Variants in VPS4A observed in about 807,000 individuals in gnomAD.
The protein encoded by VPS4A is vacuolar protein sorting-associated protein 4A.
A neutral mutation model predicts 52.3 loss-of-function variants in VPS4A; 20 were observed. That is an observed-to-expected ratio of 0.38 (90% CI 0.27 to 0.56). VPS4A has a LOEUF of 0.56. VPS4A is among the 20% of genes least tolerant of loss of function. The probability of loss-of-function intolerance (pLI) is 0.72; values close to 1 mark genes in which losing one functional copy is unlikely to be tolerated. For missense variants in VPS4A, 419 were observed against 575.9 expected (o/e 0.73, Z 2.79); for synonymous variants, 293 against 227.7 (o/e 1.29, Z -2.58).
In VPS4A at chr16:69,321,090, T is replaced by C; in HGVS notation, c.891T>C (p.Ala297=). ...KRIYIPLPEE[A]ARAQMFRLHL... ...TTTATATCCCCTTGCCGGAGGAAGCTGCCCGCGCCCAGATGTTCCGGTTGC... is the reference window on the plus strand; with the variant it reads ...TTTATATCCCCTTGCCGGAGGAAGCCGCCCGCGCCCAGATGTTCCGGTTGC... The change falls in exon 9 of 11, where the codon GCT becomes GCC. Residue 297 remains alanine (A), a synonymous_variant. Coordinates refer to ENST00000254950, the MANE Select transcript of VPS4A (RefSeq NM_013245.3). This position sits in a 1 kb window ranked among gnomAD's most constrained non-coding sequence, Gnocchi z 4.5. The C allele has an allele frequency of 3.1e-6, 5 of 1,596,448 alleles. No individual in the cohort carries two copies. The highest frequency in any genetic ancestry group is 4.3e-6 in the Non-Finnish European group (5 of 1,171,624).
Position 69,321,888 on chromosome 16 carries a change from T to G in VPS4A, c.1071+618T>G, listed in dbSNP as rs559564092. On this transcript the variant is annotated intron_variant, in intron 9 of 10. Coordinates refer to ENST00000254950, the MANE Select transcript of VPS4A (RefSeq NM_013245.3). This position sits in a 1 kb window ranked among gnomAD's most constrained non-coding sequence, Gnocchi z 4.5. ...AGGTGAAGGTGTGAGGGAATGAGCC[T>G]TGTGGACATTGGGGGAATGTTTTGC... The G allele has an allele frequency of 1.6e-3, 250 of 157,782 alleles. 1 individual carries two copies. The highest frequency in any genetic ancestry group is 2.9e-3 in the Non-Finnish European group (210 of 71,884). 9.8% of individuals were successfully genotyped at this position (157,782 alleles called of 1,614,324 possible).
Position 69,323,434 on chromosome 16 carries a change from G to A in VPS4A, c.1212+734G>A, listed in dbSNP as rs1965538012. The stretch of plus-strand genomic sequence containing the variant: ...CAAAGTGCTGGGATTACAAGCATGA[G>A]CTGAGCCACCACACCTAGCCTGCAT... On this transcript the variant is annotated intron_variant, in intron 10 of 10. Transcript: ENST00000254950. The A allele has an allele frequency of 9.4e-6, 3 of 317,950 alleles. 1 individual carries two copies. Among genetic ancestry groups the A allele is most frequent in the African/African-American group, 6.7e-5 (3 of 45,038 alleles). 19.7% of individuals were successfully genotyped at this position (317,950 alleles called of 1,614,324 possible). A position where few individuals can be genotyped will look rare whatever the true frequency, so the allele number is the denominator to read the frequency against.
At chr16:69,323,943 CCAAA>C (rs1236586189) in intron 10 of VPS4A, among the ~76,000 whole-genome samples, 13 of 108,654 alleles carry the variant, frequency 1.2e-4, no homozygotes, top group Middle Eastern at 5.4e-3. Context: ...GACTCCGTCT[CCAAA>C]AAAAAAAAAA....
At chr16:69,317,744 G>C (rs1355433797) in intron 3 of VPS4A, among the ~76,000 whole-genome samples, 1 of 151,908 alleles carries the variant, frequency 6.6e-6, no homozygotes, top group Non-Finnish European at 1.5e-5. Flanking sequence ...AGTGAGCCGA[G>C]ATCGAGCCAC....
At chr16:69,319,349 C>G in intron 5 of VPS4A, 38 bp from the exon 6 acceptor site, 1 of 1,609,496 alleles carries the variant, frequency 6.2e-7, no homozygotes, top group African/African-American at 1.3e-5. Flanking sequence ...TTCCTTTCCC[C>G]AGTCAGGAGG....
intron 6 of VPS4A, among the ~76,000 whole-genome samples, chr16:69,319,781 T>C (rs1016134694): frequency 1.3e-5 from 2 of 152,126 alleles, no homozygotes; most frequent in African/African-American, 4.8e-5. Flanking sequence ...TGAGGATATT[T>C]TTGGGGTCTG....
At chr16:69,323,944 CAAAA>C (rs373024058) in intron 10 of VPS4A, among the ~76,000 whole-genome samples, 6 of 99,542 alleles carry the variant, frequency 6.0e-5, no homozygotes, top group South Asian at 3.2e-4. Flanking sequence ...ACTCCGTCTC[CAAAA>C]AAAAAAAAAA....
chr16:69,318,635 C>T lies in VPS4A; in HGVS notation c.282-15C>T, dbSNP rs200016571. 39 of 1,599,364 alleles carry T rather than the reference C, an allele frequency of 2.4e-5. No individual in the cohort carries two copies. The highest frequency in any genetic ancestry group is 3.3e-4 in the Middle Eastern group (2 of 6,034). ...GCTGAAGGGCCAGCTTGTGACTTTCCGTCTCCCTTCCCAGCAGTGACAGTG... is the reference window on the plus strand; with the variant it reads ...GCTGAAGGGCCAGCTTGTGACTTTCTGTCTCCCTTCCCAGCAGTGACAGTG... On this transcript the variant is annotated splice_polypyrimidine_tract_variant and intron_variant, in intron 3 of 10. Coordinates refer to ENST00000254950, the MANE Select transcript of VPS4A (RefSeq NM_013245.3).
Position 69,320,779 on chromosome 16 carries a change from C to G in VPS4A, c.851+10C>G, listed in dbSNP as rs17702834. 1.1e-5 allele frequency: 18 copies of G among 1,597,982 alleles called. No individual in the cohort carries two copies. Among genetic ancestry groups the G allele is most frequent in the Admixed American group, 3.5e-5 (2 of 57,426 alleles). On this transcript the variant is annotated intron_variant, in intron 8 of 10. Coordinates refer to ENST00000254950, the MANE Select transcript of VPS4A (RefSeq NM_013245.3). This position sits in a 1 kb window ranked among gnomAD's most constrained non-coding sequence, Gnocchi z 4.2. ...CGGCCATCAGGAGGAGGTGAGTCTT[C>G]CCCAGGAGAAGCCAGGGCTGGAGGC...
Position 69,326,721 on chromosome 16 carries a change from C to T in VPS4A, c.*2412C>T, listed in dbSNP as rs912402148. 1 of 152,202 alleles carries T rather than the reference C, an allele frequency of 6.6e-6. No homozygotes were observed. The highest frequency in any genetic ancestry group is 2.4e-5 in the African/African-American group (1 of 41,448). 9.4% of individuals were successfully genotyped at this position (152,202 alleles called of 1,614,324 possible). ...TCGATGTTAAACATGCTGACATGTG[C>T]AGAGGAGTTTCCTCCCTGAAATGCT... On this transcript the variant is annotated 3_prime_UTR_variant, in exon 11 of 11. Coordinates refer to ENST00000254950, the MANE Select transcript of VPS4A (RefSeq NM_013245.3).
chr16:69,319,361 C>T (rs1230388725), intron 5 of VPS4A, 26 bp from the exon 6 acceptor site: 2 of 1,612,514 alleles, frequency 1.2e-6, no homozygotes, highest in African/African-American at 2.7e-5. Context: ...GTCAGGAGGC[C>T]TAACTTCTGT....
chr16:69,316,416 C>T (rs370208033), intron 3 of VPS4A, 44 bp downstream of exon 3: 124 of 1,604,412 alleles, frequency 7.7e-5, no homozygotes, highest in Non-Finnish European at 9.1e-5. Context: ...GCCCTCCTCA[C>T]GGCTCCCTAT....
intron 6 of VPS4A, 130 bp downstream of exon 6, chr16:69,319,673 C>G (rs976805510): frequency 9.6e-6 from 12 of 1,256,398 alleles, no homozygotes; most frequent in Non-Finnish European, 1.2e-5. Flanking sequence ...AGCAGTGTGT[C>G]GCTAGCTTAT....
Position 69,320,428 on chromosome 16 carries a change from T to G in VPS4A, c.769+139T>G, listed in dbSNP as rs1246752094. 3 of 1,270,480 alleles carry G rather than the reference T, an allele frequency of 2.4e-6. No individual in the cohort carries two copies. Among genetic ancestry groups the G allele is most frequent in the Non-Finnish European group, 3.2e-6 (3 of 930,182 alleles). The allele number at this position is 1,270,480 out of a possible 1,614,324, so 78.7% of individuals were successfully genotyped here. The stretch of plus-strand genomic sequence containing the variant: ...CAGCTCCAGCCCCTCAGGGCACGGG[T>G]GGACTTCAATTCCCAAGAGGTGCCT... On this transcript the variant is annotated intron_variant, in intron 7 of 10. Transcript: ENST00000254950. The surrounding 1 kb of genome is among the most constrained non-coding windows in gnomAD (Gnocchi z 4.2).
In VPS4A at chr16:69,311,420, C is replaced by T; in HGVS notation, c.-92C>T. ...ACCGCGCTCAGCGCCCACCGCCGGGCTTCCCGCGCCGGACCCAGTACCTCG... is the reference window on the plus strand; with the variant it reads ...ACCGCGCTCAGCGCCCACCGCCGGGTTTCCCGCGCCGGACCCAGTACCTCG... On this transcript the variant is annotated 5_prime_UTR_variant, in exon 1 of 11. Coordinates refer to ENST00000254950, the MANE Select transcript of VPS4A (RefSeq NM_013245.3). 1.7e-6 allele frequency: 2 copies of T among 1,211,402 alleles called. No homozygotes were observed. The highest frequency in any genetic ancestry group is 2.1e-6 in the Non-Finnish European group (2 of 961,996). The allele number at this position is 1,211,402 out of a possible 1,614,324, so 75.0% of individuals were successfully genotyped here.
In VPS4A at chr16:69,314,512, A is replaced by T. The variant is rs968880876; in HGVS notation, c.22-1496A>T. On this transcript the variant is annotated intron_variant, in intron 1 of 10. Transcript: ENST00000254950. ...AACATCATGCAGAAGAGGGCAGACA[A>T]GGGCAGCCTGTGCCTAAGCTCATTT... 7.0e-4 allele frequency among the ~76,000 whole-genome samples: 107 copies of T among 152,214 alleles called. 1 individual carries two copies. The highest frequency in any genetic ancestry group is 2.3e-3 in the African/African-American group (97 of 41,542).
chr16:69,313,147 A>AT (rs1041601725), intron 1 of VPS4A, among the ~76,000 whole-genome samples: 2 of 148,276 alleles, frequency 1.3e-5, no homozygotes, highest in African/African-American at 2.5e-5. Flanking sequence ...CCCAGCTAAT[A>AT]TTTTTTTGTA....
At chr16:69,323,931 C>T (rs1965547907) in intron 10 of VPS4A, among the ~76,000 whole-genome samples, 1 of 119,466 alleles carries the variant, frequency 8.4e-6, no homozygotes, top group African/African-American at 3.3e-5. Flanking sequence ...GCCTGGGTGA[C>T]AGACTCCGTC....
chr16:69,320,839 G>A lies in VPS4A; in HGVS notation c.851+70G>A. The A allele has an allele frequency of 6.8e-7, 1 of 1,476,458 alleles. No homozygotes were observed. Among genetic ancestry groups the A allele is most frequent in the Non-Finnish European group, 9.3e-7 (1 of 1,080,480 alleles). 91.5% of individuals were successfully genotyped at this position (1,476,458 alleles called of 1,614,324 possible). ...CCATGGTCACGGTCCGCCTGCTGCT[G>A]GCAGCCCGGGTGCAGCCTGGCCCCT... On this transcript the variant is annotated intron_variant, in intron 8 of 10. Coordinates refer to ENST00000254950, the MANE Select transcript of VPS4A (RefSeq NM_013245.3). This position sits in a 1 kb window ranked among gnomAD's most constrained non-coding sequence, Gnocchi z 4.2.
Sources: allele counts gnomAD v4.1 joint callset (sites outside exome capture counted in the v4.1 genomes callset), GRCh38; gene constraint gnomAD v4.1.1; non-coding constraint Gnocchi (gnomAD v3.1); transcripts MANE v1.5; gene names NCBI Gene and HGNC (gene_info 2026-07-23, HGNC 2026-07-21).